RNF217: variants seen among roughly 807,000 people sequenced by gnomAD.
The protein encoded by RNF217 is ring finger protein 217, also known as E3 ubiquitin-protein ligase RNF217.
Under a neutral mutation model 57.8 loss-of-function variants are expected in RNF217, and 31 were observed. That is an observed-to-expected ratio of 0.54 (90% CI 0.40 to 0.72). The LOEUF (loss-of-function observed/expected upper bound fraction) is 0.72. Ranked by LOEUF, RNF217 falls within the 30% of genes least tolerant of loss-of-function variation. The pLI is 0.00. For synonymous variants in RNF217, 313 were observed against 294.0 expected, an observed-to-expected ratio of 1.06 and a Z score of -0.66; for missense variants, 696 against 708.3, an observed-to-expected ratio of 0.98 and a Z score of 0.20.
intron 1 of RNF217, among the ~76,000 whole-genome samples, chr6:125,027,957 C>T (rs765138007): frequency 1.3e-5 from 2 of 151,892 alleles, no homozygotes; most frequent in Non-Finnish European, 2.9e-5. Flanking sequence ...AATCATTGCC[C>T]ATTTTTTAAT....
intron 1 of RNF217, among the ~76,000 whole-genome samples, chr6:125,042,682 A>G (rs962620647): frequency 1.3e-5 from 2 of 152,122 alleles, no homozygotes; most frequent in African/African-American, 4.8e-5. Context: ...TTGATTAACA[A>G]ATACCCACTG....
intron 1 of RNF217, among the ~76,000 whole-genome samples, chr6:124,980,760 A>G (rs1389239099): frequency 6.6e-6 from 1 of 152,180 alleles, no homozygotes; most frequent in Non-Finnish European, 1.5e-5. Context: ...TGAATGACTG[A>G]GTTGCCCCTC....
chr6:125,056,071 A>G (rs1177385725), intron 2 of RNF217, among the ~76,000 whole-genome samples: 1 of 152,166 alleles, frequency 6.6e-6, no homozygotes. Context: ...TTATCTTGGT[A>G]ATCATGTGGA....
At chr6:125,044,174 T>G (rs745439803) in intron 1 of RNF217, among the ~76,000 whole-genome samples, 17 of 152,156 alleles carry the variant, frequency 1.1e-4, no homozygotes, top group Non-Finnish European at 2.5e-4. Flanking sequence ...TGCGCATGTT[T>G]TGCTTTCTGA....
intron 1 of RNF217, among the ~76,000 whole-genome samples, chr6:124,973,131 A>G (rs1488723473): frequency 6.6e-6 from 1 of 152,190 alleles, no homozygotes; most frequent in Non-Finnish European, 1.5e-5. Flanking sequence ...AAATTTCAGT[A>G]TTTCATTTTC....
Position 125,086,815 on chromosome 6 carries a change from G to A in RNF217, c.*3878G>A, listed in dbSNP as rs925000993. 2 of 152,010 alleles carry A rather than the reference G, an allele frequency of 1.3e-5. No homozygotes were observed. The highest frequency in any genetic ancestry group is 2.9e-5 in the Non-Finnish European group (2 of 67,962). The allele number at this position is 152,010 out of a possible 1,614,324, so 9.4% of individuals were successfully genotyped here. A position where few individuals can be genotyped will look rare whatever the true frequency, so the allele number is the denominator to read the frequency against. On this transcript the variant is annotated 3_prime_UTR_variant, in exon 6 of 6. Coordinates refer to ENST00000521654, the MANE Select transcript of RNF217 (RefSeq NM_001286398.3). ...CTTTAATTGTACTTTCTCTGCTGTG[G>A]TATCAAGATTCAGTGGTGCTTGTCA...
chr6:124,983,951 A>G lies in RNF217; in HGVS notation c.882+20525A>G, dbSNP rs571612131. 3.7e-4 allele frequency among the ~76,000 whole-genome samples: 56 copies of G among 152,220 alleles called. No individual in the cohort carries two copies. In the South Asian group the frequency reaches 8.9e-3, roughly 24 times the overall value. ...CTGTTCCTCATGCATGGCACCTTCT[A>G]TGCATCCTCACGTGACAGAAGGGGC... is the stretch of plus-strand genomic sequence containing the variant. On this transcript the variant is annotated intron_variant, in intron 1 of 5. Coordinates refer to ENST00000521654, the MANE Select transcript of RNF217 (RefSeq NM_001286398.3).
intron 1 of RNF217, among the ~76,000 whole-genome samples, chr6:125,024,356 GCGGA>G (rs879897537): frequency 3.7e-4 from 56 of 152,224 alleles, no homozygotes; most frequent in East Asian, 5.8e-4. Flanking sequence ...GCTGAGGCAG[GCGGA>G]TCACCTGAGC....
chr6:125,049,567 G>C (rs1787229272), intron 2 of RNF217, among the ~76,000 whole-genome samples: 1 of 151,852 alleles, frequency 6.6e-6, no homozygotes, highest in Non-Finnish European at 1.5e-5. Context: ...GTCACCTTGA[G>C]TATCGTTTCC....
rs181513562 is a variant in RNF217 at position 125,048,466 on chromosome 6, A to T, written c.1116+3022A>T. On this transcript the variant is annotated intron_variant, in intron 2 of 5. Transcript: ENST00000521654. Reference sequence around the variant, plus strand: ...TTTCTGTGCAATTTAACGTCTCTTTATAATAATGTTTACAGGCTTAAGTAG... The same window carrying T: ...TTTCTGTGCAATTTAACGTCTCTTTTTAATAATGTTTACAGGCTTAAGTAG... 3.6e-3 allele frequency among the ~76,000 whole-genome samples: 541 copies of T among 152,194 alleles called. 5 individuals are homozygous for T. Among genetic ancestry groups the T allele is most frequent in the Admixed American group, 0.027 (410 of 15,244 alleles).
intron 2 of RNF217, among the ~76,000 whole-genome samples, chr6:125,051,438 T>C (rs746399773): frequency 1.3e-5 from 2 of 151,892 alleles, no homozygotes; most frequent in Admixed American, 6.6e-5. Context: ...ACATTTCTTA[T>C]CTACCACCCT....
At chr6:125,043,254 G>A (rs886096693) in intron 1 of RNF217, among the ~76,000 whole-genome samples, 4 of 152,012 alleles carry the variant, frequency 2.6e-5, no homozygotes, top group East Asian at 3.9e-4. Flanking sequence ...CTAGTGCTGT[G>A]TTCTCTTTCC....
chr6:125,045,475 A>T (rs748669326), intron 2 of RNF217, 31 bp downstream of exon 2: 73 of 1,551,684 alleles, frequency 4.7e-5, no homozygotes, highest in Non-Finnish European at 5.5e-5. Context: ...TGTGGGTTAG[A>T]TGTCACATGG....
intron 3 of RNF217, among the ~76,000 whole-genome samples, chr6:125,058,698 C>T (rs573198390): frequency 1.3e-5 from 2 of 152,216 alleles, no homozygotes; most frequent in South Asian, 4.2e-4. Flanking sequence ...TGAGCTCAGA[C>T]CTAGATGTGT....
intron 2 of RNF217, among the ~76,000 whole-genome samples, chr6:125,045,914 T>C (rs1423935609): frequency 6.6e-6 from 1 of 152,016 alleles, no homozygotes; most frequent in Non-Finnish European, 1.5e-5. Flanking sequence ...ATTTGGGGGC[T>C]ATAGAGCAAA....
At chr6:125,069,427 G>A (rs1582773758) in intron 3 of RNF217, among the ~76,000 whole-genome samples, 1 of 152,018 alleles carries the variant, frequency 6.6e-6, no homozygotes, top group East Asian at 1.9e-4. Flanking sequence ...TGGCAGTTGA[G>A]GATTCATTTT....
At chr6:125,066,157 G>A (rs1177632035) in intron 3 of RNF217, among the ~76,000 whole-genome samples, 1 of 152,162 alleles carries the variant, frequency 6.6e-6, no homozygotes, top group Non-Finnish European at 1.5e-5. Context: ...CCTGGGGCAA[G>A]GCATCATCGT....
intron 4 of RNF217, among the ~76,000 whole-genome samples, chr6:125,077,994 C>A (rs1450488862): frequency 6.6e-6 from 1 of 152,112 alleles, no homozygotes; most frequent in Non-Finnish European, 1.5e-5. Flanking sequence ...CATATGGAAA[C>A]CAATGCCGTC....
chr6:125,005,869 G>A (rs2114316464), intron 1 of RNF217, among the ~76,000 whole-genome samples: 1 of 152,204 alleles, frequency 6.6e-6, no homozygotes, highest in African/African-American at 2.4e-5. Flanking sequence ...ATTTATACTG[G>A]AAATTCAGGC....
Sources: gnomAD v4.1 joint callset for allele counts (sites outside exome capture counted in the v4.1 genomes callset) on GRCh38, gnomAD v4.1.1 for gene constraint, MANE v1.5 for transcripts, NCBI Gene and HGNC (gene_info 2026-07-23, HGNC 2026-07-21) for gene names.